The following TPRG1 variants were observed in gnomAD, a reference collection of about 807,000 sequenced individuals.
TPRG1 encodes the protein tumor protein p63 regulated 1.
A neutral mutation model predicts 29.3 loss-of-function variants in TPRG1; 29 were observed. The observed-to-expected ratio is 0.99, with a 90% CI of 0.74 to 1.35. The LOEUF (loss-of-function observed/expected upper bound fraction) is 1.35, where lower values mean the gene tolerates loss of function less well. Ranked by LOEUF, TPRG1 falls within the 40% of genes most tolerant of loss-of-function variation. The pLI, the probability that TPRG1 is intolerant of heterozygous loss-of-function variation, is 0.00. For synonymous variants in TPRG1, 130 were observed against 116.8 expected (o/e 1.11, Z -0.73); for missense variants, 327 against 335.0 (o/e 0.98, Z 0.19).
At chr3:189,245,150 G>C (rs575473684) in intron 4 of TPRG1, among the ~76,000 whole-genome samples, 1 of 152,120 alleles carries the variant, frequency 6.6e-6, no homozygotes, top group African/African-American at 2.4e-5. Context: ...TTGAACTCTC[G>C]ACCTCAGGTG....
At chr3:189,237,853 A>G (rs889288462) in intron 3 of TPRG1, among the ~76,000 whole-genome samples, 6 of 152,162 alleles carry the variant, frequency 3.9e-5, no homozygotes, top group African/African-American at 1.4e-4. Context: ...TCAGTTTTTT[A>G]GGGAAAAACA....
intron 1 of TPRG1, among the ~76,000 whole-genome samples, chr3:189,195,918 T>A (rs1213778434): frequency 6.6e-6 from 1 of 152,218 alleles, no homozygotes; most frequent in Non-Finnish European, 1.5e-5. Context: ...TTTGGTGCCC[T>A]TCCTTGGTTA....
chr3:189,258,311 TG>T (rs1386079078), intron 4 of TPRG1, among the ~76,000 whole-genome samples: 1 of 152,146 alleles, frequency 6.6e-6, no homozygotes, highest in Non-Finnish European at 1.5e-5. Flanking sequence ...AGACCCTGTT[TG>T]CCTGGGTATC....
At chr3:189,015,027 A>T (rs1712851814) in intron 3 of TPRG1, among the ~76,000 whole-genome samples, 2 of 152,174 alleles carry the variant, frequency 1.3e-5, no homozygotes, top group African/African-American at 4.8e-5. Flanking sequence ...AGATAAGATG[A>T]CGCAGGAAAG....
chr3:189,032,782 G>A (rs1276788441), intron 4 of TPRG1, among the ~76,000 whole-genome samples: 1 of 123,764 alleles, frequency 8.1e-6, no homozygotes, highest in African/African-American at 3.2e-5. Context: ...AGAGTGTGAT[G>A]TTGCCCTTCC....
intron 5 of TPRG1, among the ~76,000 whole-genome samples, chr3:189,162,721 A>T (rs1727646093): frequency 6.6e-6 from 1 of 152,184 alleles, no homozygotes; most frequent in Non-Finnish European, 1.5e-5. Context: ...AGATCACTGA[A>T]AAACAGATTA....
chr3:189,276,183 T>G (rs1433642391), intron 4 of TPRG1, among the ~76,000 whole-genome samples: 1 of 151,704 alleles, frequency 6.6e-6, no homozygotes, highest in Non-Finnish European at 1.5e-5. Context: ...CACGATAGAA[T>G]TGGTAAGAGG....
At chr3:189,163,959 A>ATTTT (rs3884278) in intron 5 of TPRG1, among the ~76,000 whole-genome samples, 3 of 151,152 alleles carry the variant, frequency 2.0e-5, no homozygotes, top group African/African-American at 4.9e-5. Context: ...AAAAATATGC[A>ATTTT]TTTTTTTTTC....
chr3:189,183,481 G>A (rs1730511273), intron 1 of TPRG1, among the ~76,000 whole-genome samples: 2 of 152,072 alleles, frequency 1.3e-5, no homozygotes, highest in Admixed American at 6.5e-5. Flanking sequence ...AAATTTATTA[G>A]GCAGGAATTT....
chr3:189,170,276 C>T (rs369630118), upstream of TPRG1, among the ~76,000 whole-genome samples: 12 of 152,100 alleles, frequency 7.9e-5, no homozygotes, highest in Admixed American at 4.6e-4. Flanking sequence ...ACCTAGATAC[C>T]GGTTCTGTAA....
At chr3:189,035,625 A>C (rs1348872367) in intron 4 of TPRG1, among the ~76,000 whole-genome samples, 1 of 152,172 alleles carries the variant, frequency 6.6e-6, no homozygotes, top group Non-Finnish European at 1.5e-5. Context: ...AGAAGACATG[A>C]ATAGACACTT....
intron 5 of TPRG1, among the ~76,000 whole-genome samples, chr3:189,311,274 G>T (rs1004062081): frequency 6.6e-6 from 1 of 152,132 alleles, no homozygotes. Flanking sequence ...ATATGAGTGC[G>T]CTTATAGACC....
At chr3:189,043,197 T>C (rs898975587) in intron 4 of TPRG1, among the ~76,000 whole-genome samples, 11 of 152,110 alleles carry the variant, frequency 7.2e-5, no homozygotes, top group Admixed American at 2.0e-4. Context: ...AACCACAAAA[T>C]ATTGGCTTGA....
At position 189,240,004 on chromosome 3, in the gene TPRG1, C is replaced by T. The variant is rs568950845; in HGVS notation, c.479+1095C>T. Among the ~76,000 whole-genome samples the T allele has an allele frequency of 6.6e-5, 10 of 152,236 alleles. No individual in the cohort carries two copies. The South Asian group carries it at 1.4e-3, about 22-fold the overall frequency. ...TTCCCATTGAACCGTGAATTCCTTG[C>T]GGGCAAATGTTGATTTTGTTGTCCT... is the stretch of plus-strand genomic sequence containing the variant. On this transcript the variant is annotated intron_variant, in intron 4 of 5. Coordinates refer to ENST00000345063, the MANE Select transcript of TPRG1 (RefSeq NM_198485.4).
intron 1 of TPRG1, among the ~76,000 whole-genome samples, chr3:189,197,140 A>G (rs1216435111): frequency 1.3e-5 from 2 of 152,246 alleles, no homozygotes; most frequent in Admixed American, 6.5e-5. Flanking sequence ...ATGTGTAGGC[A>G]TTGACACCAC....
intron 3 of TPRG1, among the ~76,000 whole-genome samples, chr3:189,222,713 A>G (rs948870797): frequency 6.6e-6 from 1 of 152,224 alleles, no homozygotes; most frequent in South Asian, 2.1e-4. Context: ...CACTGCTTCC[A>G]TATACGTCTG....
intron 3 of TPRG1, among the ~76,000 whole-genome samples, chr3:189,146,082 TAGTC>T (rs1401969923): frequency 2.0e-5 from 3 of 152,210 alleles, no homozygotes; most frequent in Non-Finnish European, 4.4e-5. Flanking sequence ...TTTTCTGTAA[TAGTC>T]AGAGCTTTAC....
intron 1 of TPRG1, among the ~76,000 whole-genome samples, chr3:189,189,351 AT>A (rs1165996633): frequency 6.6e-6 from 1 of 152,126 alleles, no homozygotes; most frequent in African/African-American, 2.4e-5. Context: ...TGGTTATATA[AT>A]ATTCTACCTA....
intron 3 of TPRG1, among the ~76,000 whole-genome samples, chr3:189,014,726 A>G (rs1475903837): frequency 6.6e-6 from 1 of 152,098 alleles, no homozygotes; most frequent in Non-Finnish European, 1.5e-5. Flanking sequence ...CTCCTGCTCC[A>G]CCAGGGGAAG....
Sources: allele counts gnomAD v4.1 joint callset (sites outside exome capture counted in the v4.1 genomes callset), GRCh38; gene constraint gnomAD v4.1.1; transcripts MANE v1.5; gene names NCBI Gene and HGNC (gene_info 2026-07-23, HGNC 2026-07-21).